Variants in CXADR observed in about 807,000 individuals in gnomAD.
CXADR encodes the protein CXADR cell adhesion molecule, also known as coxsackievirus and adenovirus receptor.
In CXADR, 20 loss-of-function variants were observed where a neutral mutation model predicts 40.3. The ratio of observed to expected loss-of-function variants is 0.50; its 90% CI spans 0.35 to 0.72. CXADR has a LOEUF of 0.72. Among genes scored for constraint, CXADR ranks in the 30% least tolerant of loss-of-function variants. CXADR has a pLI of 0.01. For synonymous variants in CXADR, 150 were observed against 161.3 expected (o/e 0.93, Z 0.53); for missense variants, 332 against 449.1 (o/e 0.74, Z 2.36).
chr21:17,632,782 T>A, the CXADR span, among the ~76,000 whole-genome samples: 1 of 151,918 alleles, frequency 6.6e-6, no homozygotes, highest in African/African-American at 2.4e-5. Context: ...GGCAGGAGAA[T>A]GACATGAACG....
chr21:17,556,567 A>G (rs989812217), intron 3 of CXADR, among the ~76,000 whole-genome samples: 1 of 152,194 alleles, frequency 6.6e-6, no homozygotes, highest in Admixed American at 6.5e-5. Flanking sequence ...ATTTGCTGGT[A>G]ATTTATTCTA....
chr21:17,541,335 G>A (rs967380958), intron 1 of CXADR, among the ~76,000 whole-genome samples: 19 of 151,984 alleles, frequency 1.3e-4, no homozygotes, highest in Non-Finnish European at 2.9e-5. Flanking sequence ...GGCGGATCAC[G>A]AGGTCAGGAG....
rs11427595 is a variant in CXADR at position 17,534,789 on chromosome 21, C to CTT, written c.44-12225_44-12224dup. Among the ~76,000 whole-genome samples, 350 of 131,856 alleles carry CTT rather than the reference C, an allele frequency of 2.7e-3. 2 individuals are homozygous for CTT. Among genetic ancestry groups the CTT allele is most frequent in the South Asian group, 0.01 (42 of 4,110 alleles). 86.5% of individuals were successfully genotyped at this position (131,856 alleles called of 152,430 possible). On this transcript the variant is annotated intron_variant, in intron 1 of 6. Transcript: ENST00000284878. ...CTGATTTGTCTAACTTATTTTCTTC[C>CTT]TTTTTTTTTTTTTTGAGAAGGACTC...
At chr21:17,521,846 A>G (rs577477452) in intron 1 of CXADR, among the ~76,000 whole-genome samples, 3 of 152,198 alleles carry the variant, frequency 2.0e-5, no homozygotes, top group African/African-American at 7.2e-5. Flanking sequence ...TCCACAAAAC[A>G]TGGTATTTCT....
chr21:17,601,394 T>C, the CXADR span, among the ~76,000 whole-genome samples: 1 of 152,116 alleles, frequency 6.6e-6, no homozygotes. Flanking sequence ...CATGGTAGCT[T>C]ACATCTATAA....
the CXADR span, among the ~76,000 whole-genome samples, chr21:17,623,189 C>G: frequency 6.6e-6 from 1 of 152,098 alleles, no homozygotes; most frequent in Non-Finnish European, 1.5e-5. Context: ...CATCCACCCA[C>G]CTTGGCCTCT....
chr21:17,573,928 A>C (rs1479128778), downstream of CXADR, among the ~76,000 whole-genome samples: 1 of 145,988 alleles, frequency 6.8e-6, no homozygotes, highest in Non-Finnish European at 1.5e-5. Context: ...TCATAATCTG[A>C]ATTTGTCTTT....
intron 1 of CXADR, among the ~76,000 whole-genome samples, chr21:17,540,928 A>G (rs1175872405): frequency 6.6e-6 from 1 of 152,188 alleles, no homozygotes; most frequent in Non-Finnish European, 1.5e-5. Context: ...AATTATAAAT[A>G]TGGTTGTGTG....
At chr21:17,599,115 C>T in the CXADR span, 1 of 295,464 alleles carries the variant, frequency 3.4e-6, no homozygotes, top group East Asian at 6.6e-5. Flanking sequence ...CAAAAAAAGT[C>T]CATTGTTTTG....
At chr21:17,517,782 G>A (rs1292750295) in intron 1 of CXADR, among the ~76,000 whole-genome samples, 1 of 152,154 alleles carries the variant, frequency 6.6e-6, no homozygotes, top group Non-Finnish European at 1.5e-5. Flanking sequence ...CTCAAGCTAG[G>A]TGGAAGATGA....
At chr21:17,545,665 C>T (rs899075850) in intron 1 of CXADR, among the ~76,000 whole-genome samples, 9 of 151,396 alleles carry the variant, frequency 5.9e-5, no homozygotes, top group Non-Finnish European at 1.3e-4. Context: ...AATTTTAAGA[C>T]GTCTTTTATA....
the CXADR span, among the ~76,000 whole-genome samples, chr21:17,605,727 A>T: frequency 2.0e-5 from 3 of 152,226 alleles, no homozygotes; most frequent in African/African-American, 4.8e-5. Flanking sequence ...TGTTTAATAA[A>T]TAAAAAATAT....
chr21:17,565,396 T>G, intron 6 of CXADR, 32 bp from the exon 7 acceptor site: 2 of 1,603,834 alleles, frequency 1.2e-6, no homozygotes, highest in Non-Finnish European at 1.7e-6. Flanking sequence ...AAACTTATTC[T>G]CTTGACATGT....
chr21:17,515,686 C>T (rs2060452319), intron 1 of CXADR, among the ~76,000 whole-genome samples: 1 of 152,028 alleles, frequency 6.6e-6, no homozygotes, highest in African/African-American at 2.4e-5. Context: ...GTGGCAGGCG[C>T]CTGTAGTACC....
chr21:17,612,078 T>C, the CXADR span: 1 of 152,306 alleles, frequency 6.6e-6, no homozygotes, highest in Non-Finnish European at 1.5e-5. Context: ...CCGCTGGGGT[T>C]TTGAGAGAGG....
chr21:17,563,940 CAAAAAAAAA>C (rs35020228), intron 6 of CXADR, among the ~76,000 whole-genome samples: 2 of 37,222 alleles, frequency 5.4e-5, no homozygotes, highest in South Asian at 1.3e-3. Context: ...GACTCTGTCT[CAAAAAAAAA>C]AAAAAAAAAA....
At chr21:17,560,367 G>T (rs762888240) in intron 4 of CXADR, among the ~76,000 whole-genome samples, 4 of 152,150 alleles carry the variant, frequency 2.6e-5, no homozygotes, top group Non-Finnish European at 5.9e-5. Context: ...TTTTCCTGCT[G>T]CAGGAAAGAT....
At chr21:17,612,978 GCGCGCGCGGGATCGGCT>G in the CXADR span, 1 of 151,928 alleles carries the variant, frequency 6.6e-6, no homozygotes, top group Non-Finnish European at 1.5e-5. Flanking sequence ...GAAAGGGTTG[GCGCGCGCGGGATCGGCT>G]CGCGCGCCTG....
At chr21:17,587,375 T>G (rs1277954331) in intron 7 of CXADR, among the ~76,000 whole-genome samples, 1 of 152,182 alleles carries the variant, frequency 6.6e-6, no homozygotes, top group Non-Finnish European at 1.5e-5. Context: ...AGTGTTCCTA[T>G]TTCTCCACAT....
Sources: gnomAD v4.1 joint callset for allele counts (sites outside exome capture counted in the v4.1 genomes callset) on GRCh38, gnomAD v4.1.1 for gene constraint, MANE v1.5 for transcripts, NCBI Gene and HGNC (gene_info 2026-07-23, HGNC 2026-07-21) for gene names.